Variants in IQSEC1 observed in about 807,000 individuals in gnomAD.
The protein encoded by IQSEC1 is IQ motif and SEC7 domain-containing protein 1.
Under a neutral mutation model 91.0 loss-of-function variants are expected in IQSEC1, and 31 were observed. The observed-to-expected ratio is 0.34, with a 90% CI of 0.26 to 0.46. IQSEC1 has a LOEUF of 0.46. Ranked by LOEUF, IQSEC1 falls within the 20% of genes least tolerant of loss-of-function variation. The pLI, the probability that IQSEC1 is intolerant of heterozygous loss-of-function variation, is 1.00. For synonymous variants in IQSEC1, 699 were observed against 662.6 expected (o/e 1.05, Z -0.84); for missense variants, 1,388 against 1,575.6 (o/e 0.88, Z 2.02).
chr3:12,997,561 C>T (rs1352988426), intron 1 of IQSEC1, among the ~76,000 whole-genome samples: 1 of 152,092 alleles, frequency 6.6e-6, no homozygotes, highest in African/African-American at 2.4e-5. Flanking sequence ...ATTGTGAAAC[C>T]TCATAGAGTG....
rs1185532120 is a variant in IQSEC1, at chr3:12,900,990, A to G, written c.3338T>C (p.Ile1113Thr). ...SKAKPSGISTIV is the reference protein window; with the variant it reads ...SKAKPSGISTTV ...GACCCCTACCCAGGCTGTCTACACA[A>G]TTGTGCTGATGCCGCTGGGTTTGGC... Residue 1113 changes from isoleucine to threonine, a missense_variant, in exon 14 of 14, where the codon ATT becomes ACT. By Grantham distance (89) the Ile-to-Thr change is moderately conservative. This residue lies in a region of IQSEC1 where 329 missense variants were observed against 257.8 expected (regional missense o/e 1.28). Coordinates refer to ENST00000613206, the MANE Select transcript of IQSEC1 (RefSeq NM_001134382.3). 9 of 1,485,842 alleles carry G rather than the reference A, an allele frequency of 6.1e-6. No homozygotes were observed. Among genetic ancestry groups the G allele is most frequent in the Admixed American group, 2.0e-5 (1 of 48,852 alleles). 92.0% of individuals were successfully genotyped at this position (1,485,842 alleles called of 1,614,324 possible). A position where few individuals can be genotyped will look rare whatever the true frequency, so the allele number is the denominator to read the frequency against.
intron 1 of IQSEC1, among the ~76,000 whole-genome samples, chr3:13,071,594 G>T (rs531667014): frequency 6.6e-6 from 1 of 152,192 alleles, no homozygotes; most frequent in Non-Finnish European, 1.5e-5. Context: ...AAAATGCAGC[G>T]AGGGCCTTGC....
intron 1 of IQSEC1, among the ~76,000 whole-genome samples, chr3:13,261,713 A>G (rs1020868745): frequency 6.6e-6 from 1 of 152,036 alleles, no homozygotes. Context: ...TTGAAGCCTC[A>G]CCCCAAAATC....
chr3:13,278,447 G>C (rs1307365638), intron 1 of IQSEC1, among the ~76,000 whole-genome samples: 2 of 152,214 alleles, frequency 1.3e-5, no homozygotes, highest in Non-Finnish European at 2.9e-5. Flanking sequence ...TCTCCAGCTT[G>C]AGAGGCCAGG....
At chr3:13,125,482 A>G (rs1353050882) in intron 2 of IQSEC1, among the ~76,000 whole-genome samples, 1 of 152,196 alleles carries the variant, frequency 6.6e-6, no homozygotes, top group Non-Finnish European at 1.5e-5. Context: ...GTGGCAGGAC[A>G]GGGCTTGGGC....
chr3:13,179,608 C>G (rs1693797909), intron 1 of IQSEC1, among the ~76,000 whole-genome samples: 1 of 152,274 alleles, frequency 6.6e-6, no homozygotes, highest in Admixed American at 6.5e-5. Context: ...CCTCACAGCC[C>G]TCGCTCGCTC....
intron 1 of IQSEC1, chr3:13,022,496 G>A: frequency 1.0e-6 from 1 of 989,946 alleles, no homozygotes; most frequent in Non-Finnish European, 1.2e-6. Context: ...TGGGTGAGGG[G>A]CGTCCGCCGG....
intron 2 of IQSEC1, among the ~76,000 whole-genome samples, chr3:12,937,310 G>C (rs1698292507): frequency 6.6e-6 from 1 of 152,180 alleles, no homozygotes; most frequent in Non-Finnish European, 1.5e-5. Flanking sequence ...CCCTGGCCCT[G>C]GTGCATCTTG....
intron 1 of IQSEC1, among the ~76,000 whole-genome samples, chr3:12,965,287 C>T (rs891081806): frequency 6.6e-6 from 1 of 152,186 alleles, no homozygotes; most frequent in Non-Finnish European, 1.5e-5. Flanking sequence ...TTATCTTGGG[C>T]CCGTTACAGA....
chr3:13,154,448 T>C lies in IQSEC1; in HGVS notation c.302+9656A>G, dbSNP rs868610899. On this transcript the variant is annotated intron_variant, in intron 2 of 15. Coordinates refer to the IQSEC1 transcript ENST00000648114. Reference sequence around the variant, plus strand: ...GCTGGAACTTACATGCATATATATATATATATATATATATATATATATATA... The same window carrying C: ...GCTGGAACTTACATGCATATATATACATATATATATATATATATATATATA... Among the ~76,000 whole-genome samples, 161 of 92,110 alleles carry C rather than the reference T, an allele frequency of 1.7e-3. 29 individuals carry two copies. The East Asian group carries it at 0.023, about 13-fold the overall frequency. 60.4% of individuals were successfully genotyped at this position (92,110 alleles called of 152,430 possible). A position where few individuals can be genotyped will look rare whatever the true frequency, so the allele number is the denominator to read the frequency against.
At chr3:13,152,907 A>T (rs1314266554) in intron 2 of IQSEC1, among the ~76,000 whole-genome samples, 2 of 152,090 alleles carry the variant, frequency 1.3e-5, no homozygotes, top group Non-Finnish European at 2.9e-5. Flanking sequence ...ATGAAAAAAA[A>T]GTGTTCTTGG....
intron 1 of IQSEC1, among the ~76,000 whole-genome samples, chr3:13,011,830 T>C (rs1702896450): frequency 1.3e-5 from 2 of 152,336 alleles, no homozygotes; most frequent in African/African-American, 2.4e-5. Flanking sequence ...GTTTTGAATA[T>C]GGTGACTTCC....
At chr3:13,231,799 C>T (rs4684126) in intron 1 of IQSEC1, among the ~76,000 whole-genome samples, 82,737 of 152,182 alleles carry the variant, frequency 0.54, 22,857 homozygotes, top group East Asian at 0.86. Context: ...GGTCTCTAAA[C>T]CTCAGGAAGT....
At chr3:13,239,867 G>GT (rs1694991568) in intron 1 of IQSEC1, among the ~76,000 whole-genome samples, 2 of 152,212 alleles carry the variant, frequency 1.3e-5, no homozygotes, top group African/African-American at 2.4e-5. Context: ...GGGCCCCGAG[G>GT]GGCTGCGGGT....
In IQSEC1 at chr3:13,262,528, C is replaced by T. The variant is rs2125131574; in HGVS notation, c.272+20183G>A. On this transcript the variant is annotated intron_variant, in intron 1 of 15. Coordinates refer to the IQSEC1 transcript ENST00000648114. ...TTCGTAGAGCTAGAAGGACCTGCCA[C>T]ATCACCCCAGCACCCAGCAACCCCA... 1.3e-5 allele frequency among the ~76,000 whole-genome samples: 2 copies of T among 152,328 alleles called. 1 individual carries two copies. Among genetic ancestry groups the T allele is most frequent in the South Asian group, 4.1e-4 (2 of 4,830 alleles).
intron 1 of IQSEC1, among the ~76,000 whole-genome samples, chr3:13,244,912 C>T (rs1223681322): frequency 6.6e-6 from 1 of 152,190 alleles, no homozygotes; most frequent in Non-Finnish European, 1.5e-5. Flanking sequence ...ACCCCACAGT[C>T]GCAGCTTCCC....
intron 1 of IQSEC1, among the ~76,000 whole-genome samples, chr3:13,022,938 C>G (rs772121048): frequency 2.6e-5 from 4 of 152,224 alleles, no homozygotes; most frequent in Non-Finnish European, 5.9e-5. Flanking sequence ...TCACCTCAGG[C>G]TACTGTGGGC....
Position 13,282,860 on chromosome 3 carries a change from G to T in IQSEC1, c.123C>A (p.Arg41=), listed in dbSNP as rs1275766858. Among the ~76,000 whole-genome samples, 1 of 147,722 alleles carries T rather than the reference G, an allele frequency of 6.8e-6. No homozygotes were observed. The highest frequency in any genetic ancestry group is 1.5e-5 in the Non-Finnish European group (1 of 66,292). ...TCTCCCGGCTCAGCCGCGCCACTTG[G>T]CGCTCCAGCTCCTCGATGCGCCGTC... The change falls in exon 1 of 16, where the codon CGC becomes CGA. Residue 41 remains arginine, a synonymous_variant. Transcript: ENST00000648114. The surrounding 1 kb of genome is among the most constrained non-coding windows in gnomAD (Gnocchi z 6.4).
In IQSEC1 at chr3:12,924,302, GGGA is replaced by G. The variant is rs1696915884; in HGVS notation, c.1730+276_1730+278del. 6.6e-6 allele frequency among the ~76,000 whole-genome samples: 1 copy of G among 152,194 alleles called. No homozygotes were observed. Among genetic ancestry groups the G allele is most frequent in the Non-Finnish European group, 1.5e-5 (1 of 68,026 alleles). ...TGGATCAACCGTGCTTAGGGATGGA[GGGA>G]AGGGAGGGGCCAAGGGTGCATGCCA... On this transcript the variant is annotated intron_variant, in intron 4 of 13. Transcript: ENST00000613206. The surrounding 1 kb of genome is among the most constrained non-coding windows in gnomAD (Gnocchi z 6.3).
Sources: gnomAD v4.1 joint callset for allele counts (sites outside exome capture counted in the v4.1 genomes callset) on GRCh38, gnomAD v4.1.1 for gene constraint, gnomAD v4.1.1 regional missense constraint, Gnocchi (gnomAD v3.1) non-coding constraint, MANE v1.5 for transcripts, NCBI Gene and HGNC (gene_info 2026-07-23, HGNC 2026-07-21) for gene names.